The following LDB3 variants were observed in gnomAD, a reference collection of about 807,000 sequenced individuals.
LDB3 encodes LIM domain-binding protein 3.
LDB3 carries 49 observed loss-of-function variants against 69.0 expected under a neutral mutation model. That is an observed-to-expected ratio of 0.71 (90% CI 0.56 to 0.90). The LOEUF is 0.90. LDB3 is among the 40% of genes least tolerant of loss of function. The pLI is 0.00. For missense variants in LDB3, 928 were observed against 974.1 expected (o/e 0.95, Z 0.63); for synonymous variants, 387 against 396.2 (o/e 0.98, Z 0.28).
At chr10:86,709,865 G>A (rs752525208) in intron 8 of LDB3, 40 bp from the exon 9 acceptor site, 3 of 1,602,310 alleles carry the variant, frequency 1.9e-6, no homozygotes, top group Admixed American at 3.3e-5. Context: ...CCCAGTGGGG[G>A]CTGTCCTTCT....
intron 8 of LDB3, among the ~76,000 whole-genome samples, chr10:86,708,650 A>T (rs12220664): frequency 0.023 from 3,515 of 152,312 alleles, 63 homozygotes; most frequent in South Asian, 0.077. Context: ...AGAGAAGGGC[A>T]GGTGGGCCTG....
intron 5 of LDB3, 63 bp from the exon 6 acceptor site, chr10:86,691,832 AC>A: frequency 5.1e-6 from 8 of 1,581,078 alleles, no homozygotes; most frequent in Non-Finnish European, 7.0e-6. Context: ...TGGAGCAGGG[AC>A]CCAGCAGGGT....
chr10:86,717,388 T>C (rs1846916843), intron 10 of LDB3, among the ~76,000 whole-genome samples: 2 of 152,132 alleles, frequency 1.3e-5, no homozygotes, highest in South Asian at 4.1e-4. Flanking sequence ...AAAGTAAAAA[T>C]TAGAATATAA....
Position 86,681,651 on chromosome 10 carries a change from C to A in LDB3, c.537C>A (p.Asp179Glu). 1 of 1,613,268 alleles carries A rather than the reference C, an allele frequency of 6.2e-7. No individual in the cohort carries two copies. Among genetic ancestry groups the A allele is most frequent in the Non-Finnish European group, 8.5e-7 (1 of 1,179,860 alleles). ...AGACCAGCCCAGAGGGGGCCCGGGA[C>A]CTACTCGGCCCAAAAGCCCTGCCGG... ...RAKTSPEGAR[D>E]LLGPKALPGS... The change falls in exon 5 of 14, where the codon GAC (aspartate) becomes GAA (glutamate). Residue 179 changes from aspartate (D) to glutamate (E), a missense_variant. Asp to Glu is a conservative substitution (Grantham distance 45, BLOSUM62 2). Coordinates refer to ENST00000361373, the MANE Select transcript of LDB3 (RefSeq NM_007078.3).
chr10:86,680,248 C>A, intron 4 of LDB3, 91 bp downstream of exon 4: 4 of 1,191,504 alleles, frequency 3.4e-6, no homozygotes, highest in East Asian at 4.9e-5. Flanking sequence ...GCTGGCCCAA[C>A]TGGGATGAGG....
intron 9 of LDB3, chr10:86,710,258 C>G: frequency 1.0e-6 from 1 of 985,270 alleles, no homozygotes; most frequent in Non-Finnish European, 1.2e-6. Flanking sequence ...AGCAAGAAAG[C>G]GGTGGATGAT....
rs45603436 is a variant in LDB3 at position 86,726,521 on chromosome 10, G to A, written c.2094+269G>A. 1.6e-4 allele frequency: 76 copies of A among 488,914 alleles called. 1 individual carries two copies. The Middle Eastern group carries it at 1.7e-3, about 11-fold the overall frequency. 30.3% of individuals were successfully genotyped at this position (488,914 alleles called of 1,614,324 possible). On this transcript the variant is annotated intron_variant, in intron 13 of 13. Transcript: ENST00000361373. The stretch of plus-strand genomic sequence containing the variant: ...CCAGGGTTTGGCAAACCAGCGGCTT[G>A]TCTCACCAGCAGTGTTGTCAGCGGG...
At chr10:86,672,956 C>T (rs941138559) in intron 2 of LDB3, among the ~76,000 whole-genome samples, 25 of 152,218 alleles carry the variant, frequency 1.6e-4, no homozygotes, top group African/African-American at 6.0e-4. Flanking sequence ...GGGGCTAGCT[C>T]CCCAATTCCC....
At chr10:86,679,300 C>T (rs755656368) in intron 2 of LDB3, 67 bp from the exon 3 acceptor site, 3 of 1,593,484 alleles carry the variant, frequency 1.9e-6, no homozygotes, top group Non-Finnish European at 2.6e-6. Context: ...TGACTCTTCC[C>T]CAAGGACTGG....
intron 5 of LDB3, among the ~76,000 whole-genome samples, chr10:86,690,069 C>T (rs536870156): frequency 2.0e-5 from 3 of 152,162 alleles, no homozygotes; most frequent in African/African-American, 7.2e-5. Context: ...TTTCTTGAAC[C>T]CTTGGAGCCA....
At chr10:86,679,274 G>A (rs371427154) in intron 2 of LDB3, 93 bp from the exon 3 acceptor site, 2 of 1,495,176 alleles carry the variant, frequency 1.3e-6, no homozygotes, top group African/African-American at 2.8e-5. Flanking sequence ...GACGGCTTCT[G>A]TTGAATACTC....
At chr10:86,708,305 A>G (rs1309667555) in intron 8 of LDB3, among the ~76,000 whole-genome samples, 1 of 152,208 alleles carries the variant, frequency 6.6e-6, no homozygotes, top group Non-Finnish European at 1.5e-5. Flanking sequence ...ACTCTGAGCA[A>G]AGCTACCTCC....
At chr10:86,709,242 T>A (rs752130923) in intron 8 of LDB3, among the ~76,000 whole-genome samples, 7 of 152,108 alleles carry the variant, frequency 4.6e-5, no homozygotes, top group Non-Finnish European at 8.8e-5. Flanking sequence ...GGTAATGAAC[T>A]AGGACGCTTT....
At chr10:86,718,575 C>T in intron 11 of LDB3, 152 bp from the exon 12 acceptor site, 1 of 1,017,754 alleles carries the variant, frequency 9.8e-7, no homozygotes, top group Non-Finnish European at 1.5e-6. Flanking sequence ...TCTGACACCC[C>T]TGGGTCTTTC....
At chr10:86,697,215 C>CTTTTTTTTTTTTTT (rs34215720) in intron 7 of LDB3, among the ~76,000 whole-genome samples, 3 of 77,782 alleles carry the variant, frequency 3.9e-5, no homozygotes, top group African/African-American at 5.2e-5. Flanking sequence ...TAGCAATTCA[C>CTTTTTTTTTTTTTT]TTTTTTTTTT....
intron 7 of LDB3, among the ~76,000 whole-genome samples, chr10:86,701,359 C>T (rs1184524120): frequency 6.6e-6 from 1 of 152,220 alleles, no homozygotes; most frequent in Non-Finnish European, 1.5e-5. Flanking sequence ...TCTTGGACCC[C>T]TGCTCCCAGA....
At chr10:86,694,544 C>T (rs1446520761) in intron 7 of LDB3, among the ~76,000 whole-genome samples, 2 of 152,200 alleles carry the variant, frequency 1.3e-5, no homozygotes, top group Non-Finnish European at 2.9e-5. Context: ...GCAGTGGAGG[C>T]TCTGAAGCAC....
At chr10:86,718,609 C>A in intron 11 of LDB3, 118 bp from the exon 12 acceptor site, 1 of 1,393,536 alleles carries the variant, frequency 7.2e-7, no homozygotes. Flanking sequence ...AGGCCTGCAT[C>A]CTGAGATCTC....
At chr10:86,669,036 T>TCAGGCAGGCAGG (rs71016147) in intron 2 of LDB3, among the ~76,000 whole-genome samples, 2 of 150,804 alleles carry the variant, frequency 1.3e-5, no homozygotes, top group South Asian at 2.1e-4. Flanking sequence ...TGCTGAGTTT[T>TCAGGCAGGCAGG]CAGGCAGGCA....
Sources: gnomAD v4.1 joint callset for allele counts (sites outside exome capture counted in the v4.1 genomes callset) on GRCh38, gnomAD v4.1.1 for gene constraint, MANE v1.5 for transcripts, NCBI Gene and HGNC (gene_info 2026-07-23, HGNC 2026-07-21) for gene names.